The following MAPRE2 variants were observed in gnomAD, a reference collection of about 807,000 sequenced individuals.
MAPRE2 encodes the protein microtubule associated protein RP/EB family member 2.
Under a neutral mutation model 43.2 loss-of-function variants are expected in MAPRE2, and 13 were observed. The ratio of observed to expected loss-of-function variants is 0.30; its 90% CI spans 0.20 to 0.48. The LOEUF is 0.48. Among genes scored for constraint, MAPRE2 ranks in the 20% least tolerant of loss-of-function variants. The probability of loss-of-function intolerance (pLI) is 0.99; values close to 1 mark genes in which losing one functional copy is unlikely to be tolerated. For synonymous variants in MAPRE2, 135 were observed against 148.8 expected, an observed-to-expected ratio of 0.91 and a Z score of 0.68; for missense variants, 161 against 400.2, an observed-to-expected ratio of 0.40 and a Z score of 5.10.
At chr18:34,984,899 T>C (rs569040455) in intron 1 of MAPRE2, among the ~76,000 whole-genome samples, 1,824 of 36,830 alleles carry the variant, frequency 0.05, 251 homozygotes, top group African/African-American at 0.15. Context: ...ATATAATATA[T>C]TTTATGTTAT....
chr18:35,070,061 G>T, intron 1 of MAPRE2, 134 bp from the exon 2 acceptor site: 1 of 525,560 alleles, frequency 1.9e-6, no homozygotes, highest in Non-Finnish European at 3.2e-6. Flanking sequence ...AATAGAAAAA[G>T]ATGCTAAAGG....
intron 2 of MAPRE2, among the ~76,000 whole-genome samples, chr18:35,026,354 G>C (rs1345932174): frequency 1.3e-5 from 2 of 152,182 alleles, no homozygotes; most frequent in Admixed American, 1.3e-4. Flanking sequence ...TAAATGTACT[G>C]TGTATTGTCT....
chr18:34,982,977 T>G (rs191573909), intron 1 of MAPRE2, among the ~76,000 whole-genome samples: 1 of 152,222 alleles, frequency 6.6e-6, no homozygotes, highest in Non-Finnish European at 1.5e-5. Flanking sequence ...CCATACTTGT[T>G]TGTTTACATC....
At chr18:35,034,435 C>CA (rs2097049419) in intron 2 of MAPRE2, among the ~76,000 whole-genome samples, 2 of 152,134 alleles carry the variant, frequency 1.3e-5, no homozygotes, top group Admixed American at 1.3e-4. Flanking sequence ...CATTACCATT[C>CA]AGGACATAGG....
intron 2 of MAPRE2, among the ~76,000 whole-genome samples, chr18:35,095,559 A>C (rs1273460656): frequency 7.6e-6 from 1 of 132,396 alleles, no homozygotes; most frequent in Non-Finnish European, 1.6e-5. Flanking sequence ...ATTTCTTTTT[A>C]AATCTGAAAC....
At chr18:35,132,001 GT>G (rs3837890) in intron 5 of MAPRE2, 30 bp from the exon 6 acceptor site, 2 of 1,607,144 alleles carry the variant, frequency 1.2e-6, no homozygotes, top group Non-Finnish European at 1.7e-6. Context: ...ATTTTGGGTG[GT>G]TTTTTTTCTT....
intron 2 of MAPRE2, among the ~76,000 whole-genome samples, chr18:35,076,034 A>G (rs1252551655): frequency 1.3e-5 from 2 of 152,210 alleles, no homozygotes; most frequent in Non-Finnish European, 1.5e-5. Context: ...GCTGAATACC[A>G]TGGTGGTGAA....
upstream of MAPRE2, among the ~76,000 whole-genome samples, chr18:35,036,791 G>T (rs1185347770): frequency 6.6e-6 from 1 of 152,088 alleles, no homozygotes; most frequent in African/African-American, 2.4e-5. Flanking sequence ...AATGATATTT[G>T]TTGAATAAAT....
At chr18:35,048,074 G>A (rs1905726908) in intron 1 of MAPRE2, among the ~76,000 whole-genome samples, 2 of 152,188 alleles carry the variant, frequency 1.3e-5, no homozygotes, top group Admixed American at 1.3e-4. Context: ...AGGCTGTATA[G>A]GAAGCTGGCA....
intron 1 of MAPRE2, among the ~76,000 whole-genome samples, chr18:34,983,446 C>G (rs610145): frequency 0.26 from 38,754 of 151,874 alleles, 4,948 homozygotes; most frequent in African/African-American, 0.27. Flanking sequence ...TGCCTTAACT[C>G]TTTAGTCAAT....
intron 4 of MAPRE2, among the ~76,000 whole-genome samples, chr18:35,125,433 T>C (rs1909864980): frequency 6.6e-6 from 1 of 152,260 alleles, no homozygotes; most frequent in South Asian, 2.1e-4. Context: ...TAGTTAAACT[T>C]TTGCTCTTTA....
At chr18:35,095,392 ACACACACACG>A (rs754854888) in intron 2 of MAPRE2, among the ~76,000 whole-genome samples, 23 of 149,658 alleles carry the variant, frequency 1.5e-4, no homozygotes, top group East Asian at 7.8e-4. Context: ...ACACACACAC[ACACACACACG>A]CACACACACA....
chr18:35,074,993 G>GA (rs1907276409), intron 2 of MAPRE2, among the ~76,000 whole-genome samples: 2 of 152,128 alleles, frequency 1.3e-5, no homozygotes, highest in African/African-American at 4.8e-5. Context: ...TTAAAAAAAA[G>GA]AAAGAGAAAA....
upstream of MAPRE2, among the ~76,000 whole-genome samples, chr18:35,040,622 G>A (rs1366184605): frequency 1.3e-5 from 2 of 152,198 alleles, no homozygotes; most frequent in Admixed American, 1.3e-4. Flanking sequence ...TACTAAGTGA[G>A]GTGATCACTT....
At chr18:35,032,494 A>G (rs1169486969) in intron 2 of MAPRE2, among the ~76,000 whole-genome samples, 3 of 152,168 alleles carry the variant, frequency 2.0e-5, no homozygotes, top group Non-Finnish European at 2.9e-5. Flanking sequence ...GATGAACCAT[A>G]TGTGTTGGAG....
Position 35,100,857 on chromosome 18 carries a change from A to G in MAPRE2, c.397-1089A>G, listed in dbSNP as rs1034672375. 1.6e-4 allele frequency among the ~76,000 whole-genome samples: 24 copies of G among 152,102 alleles called. 1 individual carries two copies. Among genetic ancestry groups the G allele is most frequent in the Admixed American group, 7.2e-4 (11 of 15,276 alleles). On this transcript the variant is annotated intron_variant, in intron 3 of 6. Coordinates refer to ENST00000300249, the MANE Select transcript of MAPRE2 (RefSeq NM_014268.4). ...GGAGTTCAAGTCCAGTCTGGCCAAC[A>G]TGTGAAACCCCGTCTCTACTAATAA...
intron 1 of MAPRE2, among the ~76,000 whole-genome samples, chr18:35,064,624 C>T (rs474560): frequency 0.96 from 146,407 of 152,302 alleles, 70,408 homozygotes; most frequent in East Asian, 1. Flanking sequence ...TGTAGTTAAG[C>T]TTTAGGTGCA....
intron 4 of MAPRE2, 84 bp downstream of exon 4, chr18:35,102,243 C>G: frequency 1.0e-6 from 1 of 999,090 alleles, no homozygotes; most frequent in Non-Finnish European, 1.4e-6. Context: ...GTGTTTCTGA[C>G]TGATTCTTCT....
intron 2 of MAPRE2, among the ~76,000 whole-genome samples, chr18:35,084,094 T>G (rs1568997340): frequency 6.6e-6 from 1 of 152,226 alleles, no homozygotes; most frequent in East Asian, 1.9e-4. Context: ...TACTTTTTGG[T>G]GAAACCCTGT....
Sources: gnomAD v4.1 joint callset for allele counts (sites outside exome capture counted in the v4.1 genomes callset) on GRCh38, gnomAD v4.1.1 for gene constraint, MANE v1.5 for transcripts, NCBI Gene and HGNC (gene_info 2026-07-23, HGNC 2026-07-21) for gene names.